SFMBT1: variants seen among roughly 807,000 people sequenced by gnomAD.
SFMBT1 encodes the protein scm-like with four MBT domains protein 1.
In SFMBT1, 32 loss-of-function variants were observed where a neutral mutation model predicts 108.7. The ratio of observed to expected loss-of-function variants is 0.29; its 90% CI spans 0.22 to 0.40. The LOEUF (loss-of-function observed/expected upper bound fraction) is 0.40, where lower values mean the gene tolerates loss of function less well. Among genes scored for constraint, SFMBT1 ranks in the 10% least tolerant of loss-of-function variants. The pLI is 1.00. For missense variants in SFMBT1, 816 were observed against 1,059.6 expected (o/e 0.77, Z 3.19); for synonymous variants, 348 against 369.5 (o/e 0.94, Z 0.67).
At chr3:52,931,163 T>C (rs1465308819) in intron 6 of SFMBT1, 128 bp from the exon 7 acceptor site, 30 of 736,158 alleles carry the variant, frequency 4.1e-5, no homozygotes, top group Non-Finnish European at 4.7e-5. Flanking sequence ...CAAGCCCACT[T>C]ATATCCCTTT....
rs980397514 is a variant in SFMBT1, at chr3:52,998,869, G to A, written c.-130-29611C>T. 6.0e-5 allele frequency among the ~76,000 whole-genome samples: 9 copies of A among 150,542 alleles called. 1 individual carries two copies. The highest frequency in any genetic ancestry group is 1.3e-4 in the Admixed American group (2 of 14,992). On this transcript the variant is annotated intron_variant, in intron 1 of 20. Coordinates refer to ENST00000394752, the MANE Select transcript of SFMBT1 (RefSeq NM_016329.4). ...GCCTGCGGGGTGACGGCTGTGCAGC[G>A]CTGCTCGCCTAGCTGTTGATCGCCT...
intron 1 of SFMBT1, among the ~76,000 whole-genome samples, chr3:53,029,576 A>C (rs2106955451): frequency 6.6e-6 from 1 of 152,360 alleles, no homozygotes; most frequent in East Asian, 1.9e-4. Flanking sequence ...ACCCAAATAC[A>C]GAAATTGATA....
At chr3:53,019,701 C>T (rs1699240102) in intron 1 of SFMBT1, among the ~76,000 whole-genome samples, 1 of 152,184 alleles carries the variant, frequency 6.6e-6, no homozygotes. Flanking sequence ...CTAGTCCATG[C>T]CACCTAGACT....
chr3:53,010,685 G>T (rs2564945), intron 1 of SFMBT1, among the ~76,000 whole-genome samples: 152,330 of 152,330 alleles, frequency 1, 76,165 homozygotes, highest in Non-Finnish European at 1. Context: ...GTACTTGTTT[G>T]ACAGTACCTG....
intron 1 of SFMBT1, among the ~76,000 whole-genome samples, chr3:53,033,515 C>A (rs1399675330): frequency 6.6e-6 from 1 of 152,046 alleles, no homozygotes; most frequent in Non-Finnish European, 1.5e-5. Context: ...CCCTCAACTA[C>A]AAGCTTTTAT....
Position 52,904,142 on chromosome 3 carries a change from A to G in SFMBT1, c.*994T>C, listed in dbSNP as rs1702012108. Reference sequence around the variant, plus strand: ...GGGCTTCGCTGTGGGTCCATGGAACACTTACTGATTTTCACCCAAAGTAAA... The same window carrying G: ...GGGCTTCGCTGTGGGTCCATGGAACGCTTACTGATTTTCACCCAAAGTAAA... On this transcript the variant is annotated 3_prime_UTR_variant, in exon 21 of 21. Transcript: ENST00000394752. 6.6e-6 allele frequency: 1 copy of G among 152,230 alleles called. No individual in the cohort carries two copies. The highest frequency in any genetic ancestry group is 1.5e-5 in the Non-Finnish European group (1 of 68,044). The allele number at this position is 152,230 out of a possible 1,614,324, so 9.4% of individuals were successfully genotyped here. A position where few individuals can be genotyped will look rare whatever the true frequency, so the allele number is the denominator to read the frequency against.
chr3:52,990,997 C>A (rs1470699571), intron 1 of SFMBT1, among the ~76,000 whole-genome samples: 1 of 152,190 alleles, frequency 6.6e-6, no homozygotes, highest in Non-Finnish European at 1.5e-5. Flanking sequence ...CTACTTTACA[C>A]CCACATTACT....
chr3:52,904,137 G>A lies in SFMBT1; in HGVS notation c.*999C>T, dbSNP rs1369112149. ...CAAATGGGCTTCGCTGTGGGTCCAT[G>A]GAACACTTACTGATTTTCACCCAAA... On this transcript the variant is annotated 3_prime_UTR_variant, in exon 21 of 21. Transcript: ENST00000394752. 1 of 152,172 alleles carries A rather than the reference G, an allele frequency of 6.6e-6. No individual in the cohort carries two copies. Among genetic ancestry groups the A allele is most frequent in the Non-Finnish European group, 1.5e-5 (1 of 68,042 alleles). The allele number at this position is 152,172 out of a possible 1,614,324, so 9.4% of individuals were successfully genotyped here.
intron 1 of SFMBT1, among the ~76,000 whole-genome samples, chr3:53,030,155 G>A (rs1208937427): frequency 1.3e-5 from 2 of 151,950 alleles, no homozygotes; most frequent in Non-Finnish European, 2.9e-5. Context: ...AAACTACTAG[G>A]CAACCATTAA....
At chr3:53,041,346 C>T (rs72965370) in intron 1 of SFMBT1, among the ~76,000 whole-genome samples, 4,481 of 152,094 alleles carry the variant, frequency 0.029, 253 homozygotes, top group African/African-American at 0.1. Flanking sequence ...ATCCTTCCTC[C>T]CCCTTTTGAA....
chr3:53,006,465 C>A (rs1225074552), intron 1 of SFMBT1, among the ~76,000 whole-genome samples: 1 of 151,982 alleles, frequency 6.6e-6, no homozygotes, highest in Non-Finnish European at 1.5e-5. Flanking sequence ...CCCGTCTCTA[C>A]TAAAAATAGA....
intron 4 of SFMBT1, among the ~76,000 whole-genome samples, chr3:52,939,009 T>C (rs1348248408): frequency 6.6e-6 from 1 of 152,236 alleles, no homozygotes; most frequent in Non-Finnish European, 1.5e-5. Flanking sequence ...TGTCTCATAT[T>C]TTCTCTTTCA....
At chr3:52,950,783 A>G (rs900424562) in intron 3 of SFMBT1, among the ~76,000 whole-genome samples, 1 of 151,712 alleles carries the variant, frequency 6.6e-6, no homozygotes, top group Non-Finnish European at 1.5e-5. Context: ...TGCTGTCATT[A>G]TTTTGAATAA....
chr3:52,997,196 C>A lies in SFMBT1; in HGVS notation c.-130-27938G>T, dbSNP rs530269843. Among the ~76,000 whole-genome samples the A allele has an allele frequency of 1.3e-5, 2 of 150,386 alleles. 1 individual carries two copies. Among genetic ancestry groups the A allele is most frequent in the Non-Finnish European group, 3.0e-5 (2 of 67,072 alleles). On this transcript the variant is annotated intron_variant, in intron 1 of 20. Transcript: ENST00000394752. ...CACACAAAGACTTTACTTGTGTTCA[C>A]TGCCAAGAACTAGAAATAACCCAAA...
At chr3:53,029,472 G>C (rs961386485) in intron 1 of SFMBT1, among the ~76,000 whole-genome samples, 1 of 152,116 alleles carries the variant, frequency 6.6e-6, no homozygotes, top group East Asian at 1.9e-4. Flanking sequence ...GCCAGAACAG[G>C]AGCAGCATTT....
intron 1 of SFMBT1, among the ~76,000 whole-genome samples, chr3:52,976,437 A>C (rs1182027084): frequency 6.6e-6 from 1 of 152,162 alleles, no homozygotes; most frequent in African/African-American, 2.4e-5. Context: ...TTTGGGAGGA[A>C]AAAAAATTAG....
chr3:52,975,424 C>G (rs1704485122), intron 1 of SFMBT1, among the ~76,000 whole-genome samples: 1 of 152,130 alleles, frequency 6.6e-6, no homozygotes, highest in Non-Finnish European at 1.5e-5. Flanking sequence ...CATAGTGGCT[C>G]ACACCTGTAA....
intron 1 of SFMBT1, among the ~76,000 whole-genome samples, chr3:53,008,240 T>C (rs1698816221): frequency 6.6e-6 from 1 of 152,172 alleles, no homozygotes; most frequent in African/African-American, 2.4e-5. Flanking sequence ...AAGAATGTCC[T>C]TACCATTGGA....
chr3:52,965,953 C>T (rs1704122162), intron 2 of SFMBT1, among the ~76,000 whole-genome samples: 2 of 133,078 alleles, frequency 1.5e-5, no homozygotes, highest in African/African-American at 5.8e-5. Flanking sequence ...TTGCAGTGAG[C>T]CGAGATCCCG....
Sources: allele counts gnomAD v4.1 joint callset (sites outside exome capture counted in the v4.1 genomes callset), GRCh38; gene constraint gnomAD v4.1.1; transcripts MANE v1.5; gene names NCBI Gene and HGNC (gene_info 2026-07-23, HGNC 2026-07-21).